The following AKAP19 variants were observed in gnomAD, a reference collection of about 807,000 sequenced individuals.
AKAP19 encodes the protein small A-kinase anchoring protein.
At chr2:189,904,010 T>A in the AKAP19 span, among the ~76,000 whole-genome samples, 1 of 152,088 alleles carries the variant, frequency 6.6e-6, no homozygotes, top group Non-Finnish European at 1.5e-5. Context: ...TATAGTCATT[T>A]TTGTGTGGAA....
the AKAP19 span, among the ~76,000 whole-genome samples, chr2:190,152,696 C>A: frequency 6.6e-6 from 1 of 151,964 alleles, no homozygotes; most frequent in Non-Finnish European, 1.5e-5. Context: ...TATTATTGTT[C>A]CTTAGTAACT....
chr2:190,016,745 A>G, the AKAP19 span, among the ~76,000 whole-genome samples: 2 of 152,230 alleles, frequency 1.3e-5, no homozygotes, highest in Non-Finnish European at 2.9e-5. Context: ...GTGCTTAAGA[A>G]TAATGTATAT....
the AKAP19 span, among the ~76,000 whole-genome samples, chr2:190,163,388 C>T: frequency 2.6e-5 from 4 of 151,340 alleles, no homozygotes; most frequent in Non-Finnish European, 4.4e-5. Context: ...GAGCCGAGAT[C>T]GCGCCACTGC....
chr2:190,195,051 A>G, the AKAP19 span, among the ~76,000 whole-genome samples: 2 of 151,854 alleles, frequency 1.3e-5, no homozygotes, highest in African/African-American at 2.4e-5. Context: ...TTTTGTAGAG[A>G]CGGGGTCTTG....
At chr2:189,891,274 AG>A in the AKAP19 span, among the ~76,000 whole-genome samples, 73 of 123,238 alleles carry the variant, frequency 5.9e-4, no homozygotes, top group Middle Eastern at 0.025. Flanking sequence ...CCCATGCTGG[AG>A]TGCAGTGGTG....
chr2:190,065,149 C>CT, the AKAP19 span, among the ~76,000 whole-genome samples: 12 of 152,022 alleles, frequency 7.9e-5, no homozygotes, highest in Non-Finnish European at 1.6e-4. Flanking sequence ...TTTTGTGCTT[C>CT]TTTTTTTATT....
chr2:190,073,276 T>G, the AKAP19 span, among the ~76,000 whole-genome samples: 2 of 152,140 alleles, frequency 1.3e-5, no homozygotes, highest in East Asian at 3.8e-4. Context: ...AGTGGAATAC[T>G]CTGAAAAGTG....
chr2:190,105,918 A>G, the AKAP19 span, among the ~76,000 whole-genome samples: 1 of 152,220 alleles, frequency 6.6e-6, no homozygotes, highest in African/African-American at 2.4e-5. Context: ...AGCATCTAGC[A>G]CATTTCCTAG....
the AKAP19 span, among the ~76,000 whole-genome samples, chr2:190,096,299 G>T: frequency 2.0e-5 from 3 of 152,112 alleles, no homozygotes; most frequent in Admixed American, 2.0e-4. Context: ...TAGCCATGTT[G>T]GTACATTACA....
At chr2:189,951,194 C>CTTTTTT in the AKAP19 span, among the ~76,000 whole-genome samples, 2 of 60,428 alleles carry the variant, frequency 3.3e-5, no homozygotes, top group Non-Finnish European at 5.8e-5. Context: ...CTGAATCCTC[C>CTTTTTT]TTTTTTTTTT....
chr2:190,097,573 T>C, the AKAP19 span, among the ~76,000 whole-genome samples: 2 of 152,146 alleles, frequency 1.3e-5, no homozygotes, highest in Non-Finnish European at 2.9e-5. Flanking sequence ...AGAACTTCTT[T>C]CAAAATTGGA....
At chr2:190,164,190 A>G in the AKAP19 span, 1 of 152,248 alleles carries the variant, frequency 6.6e-6, no homozygotes, top group African/African-American at 2.4e-5. Context: ...TTAGTCCTGC[A>G]ATTCAATAGG....
chr2:190,037,208 T>C, the AKAP19 span, among the ~76,000 whole-genome samples: 3 of 152,206 alleles, frequency 2.0e-5, no homozygotes, highest in African/African-American at 7.2e-5. Context: ...CTTGATCTGA[T>C]TTTTTGCCAT....
chr2:190,180,218 G>A, the AKAP19 span, among the ~76,000 whole-genome samples: 1 of 152,240 alleles, frequency 6.6e-6, no homozygotes, highest in Non-Finnish European at 1.5e-5. This position sits in a 1 kb window ranked among gnomAD's most constrained non-coding sequence, Gnocchi z 6.8. Context: ...CTGCGAGAGT[G>A]GGGTTTCAGG....
the AKAP19 span, chr2:189,923,487 G>T: frequency 6.2e-7 from 1 of 1,613,930 alleles, no homozygotes; most frequent in South Asian, 1.1e-5. Context: ...GTTCATAAGG[G>T]CTTTGCCTTC....
the AKAP19 span, among the ~76,000 whole-genome samples, chr2:190,140,567 A>C: frequency 6.6e-6 from 1 of 152,098 alleles, no homozygotes; most frequent in Non-Finnish European, 1.5e-5. Context: ...TGGAGCTTGC[A>C]CCCTCTGAAG....
At chr2:189,891,292 C>T in the AKAP19 span, among the ~76,000 whole-genome samples, 6 of 132,416 alleles carry the variant, frequency 4.5e-5, no homozygotes, top group African/African-American at 1.5e-4. Flanking sequence ...GGTGTGATCT[C>T]GGCTCACTGC....
chr2:189,939,729 T>TA, the AKAP19 span, among the ~76,000 whole-genome samples: 1 of 152,204 alleles, frequency 6.6e-6, no homozygotes, highest in Non-Finnish European at 1.5e-5. Flanking sequence ...GAAATAATTT[T>TA]AAAAAATCAA....
chr2:190,061,343 G>A, the AKAP19 span, among the ~76,000 whole-genome samples: 1 of 151,966 alleles, frequency 6.6e-6, no homozygotes, highest in South Asian at 2.1e-4. Context: ...CTCTTTCCTG[G>A]AGAAAGTATT....
Sources: gnomAD v4.1 joint callset for allele counts (sites outside exome capture counted in the v4.1 genomes callset) on GRCh38, gnomAD v4.1.1 for gene constraint, Gnocchi (gnomAD v3.1) non-coding constraint, MANE v1.5 for transcripts, NCBI Gene and HGNC (gene_info 2026-07-23, HGNC 2026-07-21) for gene names.